Variants in SPON1 observed in about 807,000 individuals in gnomAD.
SPON1 encodes spondin-1.
A neutral mutation model predicts 111.7 loss-of-function variants in SPON1; 52 were observed. The ratio of observed to expected loss-of-function variants is 0.47; its 90% CI spans 0.37 to 0.59. The LOEUF (loss-of-function observed/expected upper bound fraction) is 0.59, where lower values mean the gene tolerates loss of function less well. Ranked by LOEUF, SPON1 falls within the 20% of genes least tolerant of loss-of-function variation. The pLI, the probability that SPON1 is intolerant of heterozygous loss-of-function variation, is 0.00. For missense variants in SPON1, 957 were observed against 1,068.5 expected (o/e 0.90, Z 1.46); for synonymous variants, 410 against 395.8 (o/e 1.04, Z -0.43).
intron 2 of SPON1, among the ~76,000 whole-genome samples, chr11:14,016,664 A>G (rs1394622204): frequency 6.6e-6 from 1 of 152,224 alleles, no homozygotes; most frequent in African/African-American, 2.4e-5. Flanking sequence ...AATTTAGGAT[A>G]GCTCATATCT....
intron 6 of SPON1, among the ~76,000 whole-genome samples, chr11:14,187,869 C>T (rs1281941532): frequency 2.0e-5 from 3 of 152,102 alleles, no homozygotes; most frequent in Admixed American, 6.5e-5. Flanking sequence ...CAACCTCCAC[C>T]TTCTTGGGTT....
chr11:13,963,091 C>T lies in SPON1; in HGVS notation c.187C>T (p.Leu63Phe). 1 of 1,554,758 alleles carries T rather than the reference C, an allele frequency of 6.4e-7. No homozygotes were observed. Among genetic ancestry groups the T allele is most frequent in the Admixed American group, 1.9e-5 (1 of 52,320 alleles). Residue 63 changes from leucine to phenylalanine, a missense_variant, in exon 1 of 16, where the codon CTC (leucine) becomes TTC (phenylalanine). Leu to Phe is a conservative substitution (Grantham distance 22). This residue lies in a region of SPON1 where 262 missense variants were observed against 253.9 expected (regional missense o/e 1.03). Coordinates refer to ENST00000576479, the MANE Select transcript of SPON1 (RefSeq NM_006108.4). ...TRREGYTEFSLRVEGDPDFYK... is the reference protein window; with the variant it reads ...TRREGYTEFSFRVEGDPDFYK... The stretch of plus-strand genomic sequence containing the variant: ...GCGCGAGGGCTACACCGAGTTCAGC[C>T]TCCGCGTGGAGGGCGACCCCGACTT...
At chr11:14,188,059 G>A (rs1432558813) in intron 6 of SPON1, among the ~76,000 whole-genome samples, 3 of 152,130 alleles carry the variant, frequency 2.0e-5, no homozygotes, top group Admixed American at 1.3e-4. Context: ...AGGATTACAG[G>A]CCACTGTGCT....
chr11:14,099,413 G>C (rs1208443888), intron 5 of SPON1, among the ~76,000 whole-genome samples: 2 of 151,954 alleles, frequency 1.3e-5, no homozygotes, highest in African/African-American at 4.8e-5. Flanking sequence ...TTATATTGTT[G>C]ACTTAGTATG....
intron 5 of SPON1, among the ~76,000 whole-genome samples, chr11:14,096,073 T>G (rs1456273057): frequency 6.6e-6 from 1 of 152,214 alleles, no homozygotes; most frequent in Non-Finnish European, 1.5e-5. Flanking sequence ...ACTTGTGTCG[T>G]CATACACAGT....
intron 6 of SPON1, among the ~76,000 whole-genome samples, chr11:14,142,040 A>G (rs782676056): frequency 4.6e-5 from 7 of 152,132 alleles, no homozygotes; most frequent in East Asian, 1.9e-4. Context: ...CCTGCCAACT[A>G]TGTGACTTTG....
At chr11:14,217,730 C>T (rs1848640666) in intron 6 of SPON1, among the ~76,000 whole-genome samples, 1 of 151,874 alleles carries the variant, frequency 6.6e-6, no homozygotes. Context: ...ATTGAGATCT[C>T]TGAGTCTCCA....
intron 3 of SPON1, among the ~76,000 whole-genome samples, chr11:14,053,011 C>T (rs1848719256): frequency 6.6e-6 from 1 of 152,136 alleles, no homozygotes; most frequent in Non-Finnish European, 1.5e-5. Flanking sequence ...GAGCTAGCAC[C>T]AGGTCTATGG....
chr11:14,002,330 G>A (rs1274330089), intron 2 of SPON1, among the ~76,000 whole-genome samples: 3 of 152,060 alleles, frequency 2.0e-5, no homozygotes, highest in African/African-American at 4.8e-5. Flanking sequence ...CTAAGGGGGT[G>A]AGGAACTGGG....
intron 5 of SPON1, among the ~76,000 whole-genome samples, chr11:14,127,442 A>T (rs1362031788): frequency 2.6e-5 from 4 of 152,092 alleles, no homozygotes; most frequent in Non-Finnish European, 4.4e-5. Context: ...ACACTGCATG[A>T]TTCATGAAGG....
chr11:14,255,219 T>G (rs1174635893), intron 8 of SPON1, among the ~76,000 whole-genome samples: 1 of 152,228 alleles, frequency 6.6e-6, no homozygotes, highest in Non-Finnish European at 1.5e-5. Flanking sequence ...AAGTACATAT[T>G]ATCTGCGGCT....
chr11:14,243,581 T>C (rs782648296), intron 7 of SPON1, among the ~76,000 whole-genome samples, 185 bp downstream of exon 7: 39 of 152,232 alleles, frequency 2.6e-4, no homozygotes, highest in Non-Finnish European at 5.9e-5. Context: ...GGATGCAGGC[T>C]CAGGCTCTGT....
intron 3 of SPON1, among the ~76,000 whole-genome samples, chr11:14,058,626 G>A (rs185676759): frequency 1.3e-5 from 2 of 152,300 alleles, no homozygotes; most frequent in African/African-American, 2.4e-5. Flanking sequence ...GCCATGGTAA[G>A]GAGTGGGTGC....
intron 2 of SPON1, among the ~76,000 whole-genome samples, chr11:14,002,190 T>C (rs782464472): frequency 6.6e-6 from 1 of 152,192 alleles, no homozygotes; most frequent in Non-Finnish European, 1.5e-5. Flanking sequence ...ATCTTCCTTA[T>C]AGAATTACTG....
chr11:14,218,371 C>T (rs191328276), intron 6 of SPON1, among the ~76,000 whole-genome samples: 4 of 152,306 alleles, frequency 2.6e-5, no homozygotes, highest in Admixed American at 2.6e-4. Context: ...AATAGCTCCT[C>T]CTGAATGCAG....
At chr11:14,005,599 C>T (rs1422304808) in intron 2 of SPON1, among the ~76,000 whole-genome samples, 1 of 152,188 alleles carries the variant, frequency 6.6e-6, no homozygotes, top group African/African-American at 2.4e-5. Context: ...ATGTAAGCCC[C>T]TGTTCTACTC....
chr11:14,007,669 G>A (rs1848372700), intron 2 of SPON1, among the ~76,000 whole-genome samples: 1 of 152,216 alleles, frequency 6.6e-6, no homozygotes, highest in Non-Finnish European at 1.5e-5. Flanking sequence ...TTGACACTCA[G>A]TATTAACCAT....
At chr11:14,202,401 A>G (rs1314544376) in intron 6 of SPON1, among the ~76,000 whole-genome samples, 2 of 152,160 alleles carry the variant, frequency 1.3e-5, no homozygotes, top group Non-Finnish European at 2.9e-5. Flanking sequence ...CCTCCCCATC[A>G]TGTCCATTGC....
At chr11:13,967,553 G>C (rs202232700) in intron 1 of SPON1, among the ~76,000 whole-genome samples, 1 of 138,020 alleles carries the variant, frequency 7.2e-6, no homozygotes, top group Admixed American at 7.2e-5. Flanking sequence ...AAAAAAAAAA[G>C]AAAAAACAGA....
Sources: gnomAD v4.1 joint callset for allele counts (sites outside exome capture counted in the v4.1 genomes callset) on GRCh38, gnomAD v4.1.1 for gene constraint, gnomAD v4.1.1 regional missense constraint, MANE v1.5 for transcripts, NCBI Gene and HGNC (gene_info 2026-07-23, HGNC 2026-07-21) for gene names.